Variants in PTPRS observed in about 807,000 individuals in gnomAD.
The protein encoded by PTPRS is receptor-type tyrosine-protein phosphatase S.
Under a neutral mutation model 215.3 loss-of-function variants are expected in PTPRS, and 63 were observed. The observed-to-expected ratio is 0.29, with a 90% CI of 0.24 to 0.36. The LOEUF (loss-of-function observed/expected upper bound fraction) is 0.36. Ranked by LOEUF, PTPRS falls within the 10% of genes least tolerant of loss-of-function variation. PTPRS has a pLI of 1.00. For synonymous variants in PTPRS, 1,404 were observed against 1,191.4 expected, an observed-to-expected ratio of 1.18 and a Z score of -3.68; for missense variants, 2,258 against 2,825.8, an observed-to-expected ratio of 0.80 and a Z score of 4.56.
intron 17 of PTPRS, 72 bp from the exon 18 acceptor site, chr19:5,223,369 A>G (rs2042183368): frequency 1.5e-6 from 2 of 1,374,594 alleles, no homozygotes; most frequent in East Asian, 5.8e-5. Flanking sequence ...GTGGGGTTGT[A>G]TTTTTAATTC....
intron 1 of PTPRS, among the ~76,000 whole-genome samples, chr19:5,314,775 G>C (rs1034610155): frequency 3.5e-5 from 5 of 143,936 alleles, no homozygotes; most frequent in African/African-American, 5.5e-5. Flanking sequence ...CCAGGGCAGA[G>C]AGCTGAAGAT....
chr19:5,227,111 A>G (rs889263111), intron 16 of PTPRS, among the ~76,000 whole-genome samples: 1 of 151,198 alleles, frequency 6.6e-6, no homozygotes, highest in Admixed American at 6.6e-5. Flanking sequence ...GCAGGGTGTA[A>G]TCATAGCTCA....
chr19:5,300,251 A>G lies in PTPRS; in HGVS notation c.-94-14017T>C, dbSNP rs954898136. The stretch of plus-strand genomic sequence containing the variant: ...GCGAGACTCCATCTCAAAAAAAAAA[A>G]AAAGAAAAGAAAAAGAAAAATTAAA... On this transcript the variant is annotated intron_variant, in intron 1 of 37. Transcript: ENST00000262963. Among the ~76,000 whole-genome samples the G allele has an allele frequency of 5.7e-4, 86 of 151,924 alleles. 2 individuals are homozygous for G. Among genetic ancestry groups the G allele is most frequent in the Admixed American group, 2.2e-3 (33 of 15,256 alleles).
intron 4 of PTPRS, among the ~76,000 whole-genome samples, chr19:5,267,040 C>G (rs568520679): frequency 2.0e-5 from 3 of 152,166 alleles, no homozygotes; most frequent in Admixed American, 1.3e-4. Flanking sequence ...AGCGCAGAAC[C>G]GGGCATACAG....
At chr19:5,297,144 C>T (rs10402033) in intron 1 of PTPRS, among the ~76,000 whole-genome samples, 29,203 of 152,046 alleles carry the variant, frequency 0.19, 2,924 homozygotes, top group Middle Eastern at 0.25. Flanking sequence ...CCTCCAAAAA[C>T]GTTCCATTGA....
rs115592834 is a variant in PTPRS, at chr19:5,326,291, G to A, written c.-95+14373C>T. Reference sequence around the variant, plus strand: ...GGGGGTCATTCTGTGCTGGGCTTAAGGCTAAAAGCCTCAGGTGGGTGCTAG... The same window carrying A: ...GGGGGTCATTCTGTGCTGGGCTTAAAGCTAAAAGCCTCAGGTGGGTGCTAG... On this transcript the variant is annotated intron_variant, in intron 1 of 37. Transcript: ENST00000262963. 6.3e-3 allele frequency among the ~76,000 whole-genome samples: 957 copies of A among 152,130 alleles called. 13 individuals carry two copies. Among genetic ancestry groups the A allele is most frequent in the African/African-American group, 0.022 (930 of 41,530 alleles).
Position 5,215,888 on chromosome 19 carries a change from C to T in PTPRS, c.4097-293G>A, listed in dbSNP as rs536443217. Among the ~76,000 whole-genome samples, 5 of 152,278 alleles carry T rather than the reference C, an allele frequency of 3.3e-5. No homozygotes were observed. The East Asian group carries it at 9.7e-4, about 29-fold the overall frequency. Reference sequence around the variant, plus strand: ...ATTGGCCCATCCTGTTTCCTTCCAACCAAGCTGGGGGTGCAGGGGCTGGCA... The same window carrying T: ...ATTGGCCCATCCTGTTTCCTTCCAATCAAGCTGGGGGTGCAGGGGCTGGCA... On this transcript the variant is annotated intron_variant, in intron 26 of 37. Coordinates refer to ENST00000262963, the MANE Select transcript of PTPRS (RefSeq NM_002850.4).
intron 17 of PTPRS, among the ~76,000 whole-genome samples, chr19:5,224,367 C>T (rs1307207606): frequency 6.6e-6 from 1 of 152,154 alleles, no homozygotes; most frequent in African/African-American, 2.4e-5. Context: ...ACTCAGAGAA[C>T]CCCTCCTCCT....
At chr19:5,216,835 C>T (rs2041515804) in intron 25 of PTPRS, 68 bp from the exon 26 acceptor site, 3 of 1,039,696 alleles carry the variant, frequency 2.9e-6, no homozygotes, top group Admixed American at 2.1e-5. Flanking sequence ...CCTCTGCCTC[C>T]CCCACCCCTC....
chr19:5,333,986 G>A, intron 1 of PTPRS, among the ~76,000 whole-genome samples: 1 of 144,046 alleles, frequency 6.9e-6, no homozygotes, highest in Non-Finnish European at 1.5e-5. Flanking sequence ...CCCCTTTGGT[G>A]ATCACTCGGG....
chr19:5,280,076 G>A (rs959904814), intron 2 of PTPRS, among the ~76,000 whole-genome samples: 3 of 152,204 alleles, frequency 2.0e-5, no homozygotes, highest in African/African-American at 7.2e-5. Flanking sequence ...AAAAGTTTGG[G>A]GTCTGAGGAG....
Position 5,339,431 on chromosome 19 carries a change from G to A in PTPRS, c.-95+1233C>T, listed in dbSNP as rs934777702. Reference sequence around the variant, plus strand: ...GGAGGTCCCAGATTTGGGGCGGGGGGTGTGGCTGAAAAAAAGATTCCCAGT... The same window carrying A: ...GGAGGTCCCAGATTTGGGGCGGGGGATGTGGCTGAAAAAAAGATTCCCAGT... On this transcript the variant is annotated intron_variant, in intron 1 of 37. Coordinates refer to ENST00000262963, the MANE Select transcript of PTPRS (RefSeq NM_002850.4). This position sits in a 1 kb window ranked among gnomAD's most constrained non-coding sequence, Gnocchi z 4.2. Among the ~76,000 whole-genome samples the A allele has an allele frequency of 5.9e-5, 9 of 151,950 alleles. No individual in the cohort carries two copies. Among genetic ancestry groups the A allele is most frequent in the South Asian group, 2.1e-4 (1 of 4,808 alleles).
intron 37 of PTPRS, 64 bp from the exon 38 acceptor site, chr19:5,206,906 C>T (rs1276674397): frequency 1.4e-5 from 21 of 1,497,928 alleles, no homozygotes; most frequent in Non-Finnish European, 1.7e-5. Context: ...GGCTCCCTAT[C>T]GCCCTCAGGA....
chr19:5,210,894 C>T lies in PTPRS; in HGVS notation c.5235-89G>A, dbSNP rs2040813527. On this transcript the variant is annotated intron_variant, in intron 33 of 37. Coordinates refer to ENST00000262963, the MANE Select transcript of PTPRS (RefSeq NM_002850.4). The surrounding 1 kb of genome is among the most constrained non-coding windows in gnomAD (Gnocchi z 4.5). ...GCTGCCCGGGAGGGTCAGGACCAAG[C>T]CAGTGACAGCTACACCTACCACCCC... The T allele has an allele frequency of 6.6e-7, 1 of 1,508,092 alleles. No homozygotes were observed. Among genetic ancestry groups the T allele is most frequent in the Non-Finnish European group, 8.9e-7 (1 of 1,127,060 alleles). 93.4% of individuals were successfully genotyped at this position (1,508,092 alleles called of 1,614,324 possible).
rs2040366763 is a variant in PTPRS, at chr19:5,206,375, A to G, written c.*399T>C. The G allele has an allele frequency of 4.0e-6, 1 of 248,670 alleles. No individual in the cohort carries two copies. The highest frequency in any genetic ancestry group is 7.8e-6 in the Non-Finnish European group (1 of 128,638). 15.4% of individuals were successfully genotyped at this position (248,670 alleles called of 1,614,324 possible). A position where few individuals can be genotyped will look rare whatever the true frequency, so the allele number is the denominator to read the frequency against. On this transcript the variant is annotated 3_prime_UTR_variant, in exon 38 of 38. Coordinates refer to ENST00000262963, the MANE Select transcript of PTPRS (RefSeq NM_002850.4). ...CCAGCCCAGTGTCCCCAGGCTGCAG[A>G]GCGGGGAGGAGCCCCCCGGGTCCCC...
At chr19:5,335,827 C>A (rs1240126843) in intron 1 of PTPRS, among the ~76,000 whole-genome samples, 1 of 152,060 alleles carries the variant, frequency 6.6e-6, no homozygotes, top group African/African-American at 2.4e-5. Flanking sequence ...CAGGAAGCCG[C>A]ACAGAAACCT....
At chr19:5,221,646 A>G (rs2041988043) in intron 19 of PTPRS, among the ~76,000 whole-genome samples, 1 of 152,012 alleles carries the variant, frequency 6.6e-6, no homozygotes, top group East Asian at 1.9e-4. Flanking sequence ...CTGATCCTAG[A>G]CTGATTCCTG....
At chr19:5,255,169 G>A (rs1418237207) in intron 9 of PTPRS, among the ~76,000 whole-genome samples, 1 of 152,202 alleles carries the variant, frequency 6.6e-6, no homozygotes, top group Non-Finnish European at 1.5e-5. Flanking sequence ...CTGGAGGCAG[G>A]GAGCTGAGTT....
At chr19:5,290,068 C>T (rs1210307328) in intron 1 of PTPRS, among the ~76,000 whole-genome samples, 1 of 152,224 alleles carries the variant, frequency 6.6e-6, no homozygotes, top group African/African-American at 2.4e-5. Context: ...CCCATGGTGG[C>T]CAGCGAGGCT....
Sources: allele counts gnomAD v4.1 joint callset (sites outside exome capture counted in the v4.1 genomes callset), GRCh38; gene constraint gnomAD v4.1.1; non-coding constraint Gnocchi (gnomAD v3.1); transcripts MANE v1.5; gene names NCBI Gene and HGNC (gene_info 2026-07-23, HGNC 2026-07-21).